Variants in ODAD1 observed in about 807,000 individuals in gnomAD.
The protein encoded by ODAD1 is outer dynein arm docking complex subunit 1, also known as outer dynein arm-docking complex subunit 1.
In ODAD1, 49 loss-of-function variants were observed where a neutral mutation model predicts 67.2. The ratio of observed to expected loss-of-function variants is 0.73; its 90% CI spans 0.58 to 0.92. The LOEUF is 0.92. ODAD1 is among the 40% of genes least tolerant of loss of function. ODAD1 has a pLI of 0.00. For synonymous variants in ODAD1, 345 were observed against 393.7 expected (o/e 0.88, Z 1.46); for missense variants, 897 against 953.7 (o/e 0.94, Z 0.78).
intron 5 of ODAD1, among the ~76,000 whole-genome samples, chr19:48,313,265 C>G (rs1018276339): frequency 1.3e-4 from 20 of 151,840 alleles, no homozygotes; most frequent in Non-Finnish European, 1.9e-4. Flanking sequence ...CCCACCTCTA[C>G]TAAAATACAA....
intron 8 of ODAD1, among the ~76,000 whole-genome samples, chr19:48,305,756 T>C (rs1343905963): frequency 6.6e-6 from 1 of 151,656 alleles, no homozygotes; most frequent in Non-Finnish European, 1.5e-5. Flanking sequence ...TTAATTTACA[T>C]GCCCAAGAAA....
rs142314893 is a variant in ODAD1, at chr19:48,306,429, C to G, written c.598-106G>C. ...TCCAATAAGGAGTAAAGCTCTTGAG[C>G]CTTCCAAATGTGGACCCTCCTCATT... On this transcript the variant is annotated intron_variant, in intron 7 of 15. Coordinates refer to ENST00000674294, the MANE Select transcript of ODAD1 (RefSeq NM_001364171.2). 3.1e-6 allele frequency: 3 copies of G among 960,110 alleles called. No individual in the cohort carries two copies. In the African/African-American group the frequency reaches 4.9e-5, roughly 16 times the overall value. 59.5% of individuals were successfully genotyped at this position (960,110 alleles called of 1,614,324 possible). A position where few individuals can be genotyped will look rare whatever the true frequency, so the allele number is the denominator to read the frequency against.
At chr19:48,320,166 A>C in intron 3 of ODAD1, 133 bp downstream of exon 3, 1 of 835,364 alleles carries the variant, frequency 1.2e-6, no homozygotes. Flanking sequence ...CGCCTCCCTT[A>C]GGGCGCATGT....
chr19:48,313,759 C>T (rs1968831017), intron 5 of ODAD1, among the ~76,000 whole-genome samples: 1 of 152,026 alleles, frequency 6.6e-6, no homozygotes, highest in African/African-American at 2.4e-5. Flanking sequence ...TGGTGCACAC[C>T]TGTAGTCCTA....
intron 13 of ODAD1, 39 bp from the exon 14 acceptor site, chr19:48,298,136 C>A (rs1185334936): frequency 1.2e-6 from 2 of 1,611,956 alleles, no homozygotes; most frequent in African/African-American, 1.3e-5. Context: ...TGGGCCACCC[C>A]CGAGACCGGC....
In ODAD1 at chr19:48,303,691, C is replaced by T; in HGVS notation, c.947G>A (p.Gly316Glu). 1.2e-6 allele frequency: 2 copies of T among 1,614,152 alleles called. No individual in the cohort carries two copies. The highest frequency in any genetic ancestry group is 1.7e-6 in the Non-Finnish European group (2 of 1,180,000). Reference sequence around the variant, plus strand: ...CACCAACAGGTCAGGGTCACTCTCCCCCATCAGCTGGGACAGTTTATTCAG... The same window carrying T: ...CACCAACAGGTCAGGGTCACTCTCCTCCATCAGCTGGGACAGTTTATTCAG... ...DALNKLSQLMGESDPDLLVQK... is the reference protein window; with the variant it reads ...DALNKLSQLMEESDPDLLVQK... The change falls in exon 10 of 16, where the codon GGG (glycine) becomes GAG (glutamate). Residue 316 changes from glycine (G) to glutamate (E), a missense_variant. Gly to Glu is a moderately conservative substitution (Grantham distance 98). Coordinates refer to ENST00000674294, the MANE Select transcript of ODAD1 (RefSeq NM_001364171.2).
At chr19:48,308,475 C>G (rs960332915) in intron 7 of ODAD1, among the ~76,000 whole-genome samples, 1 of 151,964 alleles carries the variant, frequency 6.6e-6, no homozygotes, top group Admixed American at 6.6e-5. Context: ...CACACCCAGC[C>G]GAGAAGTGTT....
At chr19:48,308,644 G>A (rs1395492174) in intron 7 of ODAD1, among the ~76,000 whole-genome samples, 1 of 152,240 alleles carries the variant, frequency 6.6e-6, no homozygotes, top group Non-Finnish European at 1.5e-5. Context: ...ACACTCCATG[G>A]AGCCGGTAGG....
In ODAD1 at chr19:48,304,109, G is replaced by T; in HGVS notation, c.697C>A (p.Arg233=). The T allele has an allele frequency of 6.2e-7, 1 of 1,612,202 alleles. No homozygotes were observed. Among genetic ancestry groups the T allele is most frequent in the Non-Finnish European group, 8.5e-7 (1 of 1,179,082 alleles). ...EEAKAKMGLL[R]ERAEKEEAQS... ...GCCTCCTCTTTCTCCGCGCGCTCCC[G>T]CAGCAAGCCCATCTTGGCCTTCGCC... is the stretch of plus-strand genomic sequence containing the variant. Residue 233 remains arginine (R), a synonymous_variant, in exon 9 of 16, where the codon CGG becomes AGG. Transcript: ENST00000674294.
At chr19:48,316,555 C>T (rs893270679) in intron 5 of ODAD1, among the ~76,000 whole-genome samples, 1 of 152,136 alleles carries the variant, frequency 6.6e-6, no homozygotes. Flanking sequence ...ATTCTGGATA[C>T]AAGTTCTCTA....
intron 10 of ODAD1, chr19:48,303,367 G>A: frequency 1.6e-6 from 1 of 607,796 alleles, no homozygotes; most frequent in Non-Finnish European, 2.9e-6. Flanking sequence ...TGCAGGCGGG[G>A]AGAACGGTAG....
At chr19:48,299,809 A>T (rs919694205) in intron 12 of ODAD1, among the ~76,000 whole-genome samples, 1 of 151,654 alleles carries the variant, frequency 6.6e-6, no homozygotes, top group African/African-American at 2.4e-5. Flanking sequence ...AAATTTTAAA[A>T]AATAATAATA....
At chr19:48,304,803 CTT>C (rs1968563435) in intron 8 of ODAD1, among the ~76,000 whole-genome samples, 1 of 152,232 alleles carries the variant, frequency 6.6e-6, no homozygotes, top group South Asian at 2.1e-4. Flanking sequence ...AGTAAATTCT[CTT>C]TGTTGGCTAA....
chr19:48,318,229 TG>T (rs1432648134), intron 5 of ODAD1, among the ~76,000 whole-genome samples, 157 bp downstream of exon 5: 3 of 152,088 alleles, frequency 2.0e-5, no homozygotes, highest in Non-Finnish European at 4.4e-5. Context: ...TGACCTCAAG[TG>T]ATCTGCCCGC....
intron 7 of ODAD1, among the ~76,000 whole-genome samples, chr19:48,309,171 C>G (rs1206813749): frequency 6.6e-6 from 1 of 152,122 alleles, no homozygotes; most frequent in African/African-American, 2.4e-5. Flanking sequence ...ACTCTGATCT[C>G]AGAGAGGGGT....
intron 7 of ODAD1, among the ~76,000 whole-genome samples, chr19:48,307,939 C>T (rs1417277526): frequency 2.6e-5 from 4 of 152,080 alleles, no homozygotes; most frequent in Non-Finnish European, 5.9e-5. Context: ...GAACAAGGTC[C>T]AGATTACCCA....
chr19:48,302,898 A>G (rs1968507323), intron 11 of ODAD1, 36 bp from the exon 12 acceptor site: 1 of 1,609,696 alleles, frequency 6.2e-7, no homozygotes, highest in African/African-American at 1.3e-5. Flanking sequence ...GCCAGATGGC[A>G]GCCTCGGGAG....
intron 5 of ODAD1, among the ~76,000 whole-genome samples, chr19:48,313,625 G>A (rs556270519): frequency 2.0e-5 from 3 of 152,054 alleles, no homozygotes; most frequent in South Asian, 2.1e-4. Context: ...GCTCATGCCT[G>A]TAATCCCAAT....
chr19:48,307,738 C>G (rs1968648905), intron 7 of ODAD1, among the ~76,000 whole-genome samples: 1 of 151,060 alleles, frequency 6.6e-6, no homozygotes. Flanking sequence ...CGGCGTGAAC[C>G]TGGGAGGCGG....
Sources: allele counts gnomAD v4.1 joint callset (sites outside exome capture counted in the v4.1 genomes callset), GRCh38; gene constraint gnomAD v4.1.1; transcripts MANE v1.5; gene names NCBI Gene and HGNC (gene_info 2026-07-23, HGNC 2026-07-21).